Variants in AMBP observed in about 807,000 individuals in gnomAD.
AMBP encodes alpha-1-microglobulin/bikunin precursor.
AMBP carries 37 observed loss-of-function variants against 46.3 expected under a neutral mutation model. That is an observed-to-expected ratio of 0.80 (90% confidence interval 0.61 to 1.05). The LOEUF is 1.05. Among genes scored for constraint, AMBP ranks in the 50% least tolerant of loss-of-function variants. The pLI, the probability that AMBP is intolerant of heterozygous loss-of-function variation, is 0.00. For missense variants in AMBP, 475 were observed against 461.2 expected (o/e 1.03, Z -0.27); for synonymous variants, 174 against 175.9 (o/e 0.99, Z 0.09).
At position 114,074,146 on chromosome 9, in the gene AMBP, T is replaced by A. The variant is rs142267376; in HGVS notation, c.344A>T (p.Asn115Ile). 26 of 1,613,902 alleles carry A rather than the reference T, an allele frequency of 1.6e-5. No homozygotes were observed. The highest frequency in any genetic ancestry group is 1.7e-5 in the Non-Finnish European group (20 of 1,179,902). ...GKFLYHKSKW[N>I]ITMESYVVHT... The stretch of plus-strand genomic sequence containing the variant: ...GACCACATAGGACTCCATGGTTATG[T>A]TCCATTCTGCATGGGAGGTGCAGGC... The change falls in exon 4 of 10, where the codon AAC becomes ATC. Residue 115 changes from asparagine to isoleucine, a missense_variant. By Grantham distance (149) the Asn-to-Ile change is moderately radical (BLOSUM62 -3). Transcript: ENST00000265132.
chr9:114,069,644 T>A, intron 6 of AMBP, 55 bp downstream of exon 6: 1 of 1,262,460 alleles, frequency 7.9e-7, no homozygotes, highest in Non-Finnish European at 1.1e-6. Flanking sequence ...GCAGCGTGCC[T>A]GGGGCAGAGT....
chr9:114,061,611 C>A lies in AMBP; in HGVS notation c.686-20G>T. The A allele has an allele frequency of 1.3e-6, 2 of 1,575,780 alleles. No individual in the cohort carries two copies. Among genetic ancestry groups the A allele is most frequent in the Non-Finnish European group, 1.7e-6 (2 of 1,157,452 alleles). On this transcript the variant is annotated intron_variant, in intron 7 of 9. Transcript: ENST00000265132. Reference sequence around the variant, plus strand: ...AGGAATCTAGGGAGGGGCAGACCAGCAGCACTGACCAAGTGTTGACTGTGT... The same window carrying A: ...AGGAATCTAGGGAGGGGCAGACCAGAAGCACTGACCAAGTGTTGACTGTGT...
intron 6 of AMBP, among the ~76,000 whole-genome samples, chr9:114,068,145 C>T (rs536999102): frequency 3.3e-5 from 5 of 152,230 alleles, no homozygotes; most frequent in South Asian, 2.1e-4. Flanking sequence ...TTTCAAGTCA[C>T]GGAGATAATA....
rs116759206 is a variant in AMBP at position 114,075,183 on chromosome 9, A to G, written c.261-147T>C. 289 of 623,296 alleles carry G rather than the reference A, an allele frequency of 4.6e-4. 1 individual carries two copies. Among genetic ancestry groups the G allele is most frequent in the African/African-American group, 4.0e-3 (218 of 53,994 alleles). 38.6% of individuals were successfully genotyped at this position (623,296 alleles called of 1,614,324 possible). A position where few individuals can be genotyped will look rare whatever the true frequency, so the allele number is the denominator to read the frequency against. ...TTGTTTGCTTTTTAATTCGGAAATG[A>G]ACATTTCCAAATGTCTTGTTTAATC... is the stretch of plus-strand genomic sequence containing the variant. On this transcript the variant is annotated intron_variant, in intron 2 of 9. Coordinates refer to ENST00000265132, the MANE Select transcript of AMBP (RefSeq NM_001633.4).
chr9:114,060,966 GAGT>G lies in AMBP; in HGVS notation c.983_985del (p.Tyr328del). 1 of 1,614,244 alleles carries G rather than the reference GAGT, an allele frequency of 6.2e-7. No homozygotes were observed. Among genetic ancestry groups the G allele is most frequent in the East Asian group, 2.2e-5 (1 of 44,886 alleles). The stretch of plus-strand genomic sequence containing the variant: ...GCAGTACTCTCTGCACTCCTTCTCT[GAGT>G]AGAACTTGTTCCCGTTGCCCTGGCA... On this transcript the variant is annotated inframe_deletion, in exon 9 of 10. Transcript: ENST00000265132.
chr9:114,070,716 G>A (rs1368211680), intron 5 of AMBP, among the ~76,000 whole-genome samples: 5 of 152,052 alleles, frequency 3.3e-5, no homozygotes, highest in Non-Finnish European at 7.4e-5. Context: ...TCCGCTTCAG[G>A]GACCCAGCCA....
Position 114,061,448 on chromosome 9 carries a change from A to G in AMBP, c.829T>C (p.Cys277Arg). 1.2e-6 allele frequency: 2 copies of G among 1,613,844 alleles called. No homozygotes were observed. The highest frequency in any genetic ancestry group is 2.2e-5 in the East Asian group (1 of 44,854). Reference protein sequence around the residue: ...NGNNFVTEKECLQTCRTVAAC... With the variant: ...NGNNFVTEKERLQTCRTVAAC... ...CCCACAGTTCGGCAGGTCTGCAGAC[A>G]CTCCTTTTCTGTGACGAAGTTGTTA... The change falls in exon 8 of 10, where the codon TGT becomes CGT. Residue 277 changes from cysteine to arginine, a missense_variant. Physicochemically the swap from Cys to Arg is radical, Grantham distance 180. Around this residue, in one of 3 missense-constraint regions of AMBP, gnomAD observed 293 missense variants for 276.9 expected, o/e 1.06. Transcript: ENST00000265132.
rs1342443358 is a variant in AMBP, at chr9:114,061,471, T to G, written c.806A>C (p.Asn269Thr). ...ACACTCCTTTTCTGTGACGAAGTTGTTACCGTTGCCCATGCAGCCGCCGTA... is the reference window on the plus strand; with the variant it reads ...ACACTCCTTTTCTGTGACGAAGTTGGTACCGTTGCCCATGCAGCCGCCGTA... ...FQYGGCMGNGNNFVTEKECLQ... is the reference protein window; with the variant it reads ...FQYGGCMGNGTNFVTEKECLQ... The change falls in exon 8 of 10, where the codon AAC (asparagine) becomes ACC (threonine). Residue 269 changes from asparagine (N) to threonine (T), a missense_variant. Asn to Thr is a moderately conservative substitution (Grantham distance 65). This residue lies in a region of AMBP where 293 missense variants were observed against 276.9 expected (regional missense o/e 1.06). Transcript: ENST00000265132. 2 of 1,614,162 alleles carry G rather than the reference T, an allele frequency of 1.2e-6. No individual in the cohort carries two copies. The highest frequency in any genetic ancestry group is 2.7e-5 in the African/African-American group (2 of 75,062).
chr9:114,069,941 T>C, intron 5 of AMBP, 196 bp from the exon 6 acceptor site: 1 of 595,182 alleles, frequency 1.7e-6, no homozygotes, highest in Non-Finnish European at 3.0e-6. Flanking sequence ...TGCACCATCA[T>C]TACCATCTAT....
rs1332880437 is a variant in AMBP at position 114,074,997 on chromosome 9, T to C, written c.300A>G (p.Lys100=). ...VCEETSGAYE[K]TDTDGKFLYH... ...AGAGAAACTTCCCATCAGTATCTGT[T>C]TTCTCATAAGCTCCAGACGTCTCCT... Residue 100 remains lysine, a synonymous_variant, in exon 3 of 10, where the codon AAA becomes AAG. Coordinates refer to ENST00000265132, the MANE Select transcript of AMBP (RefSeq NM_001633.4). 2 of 1,614,004 alleles carry C rather than the reference T, an allele frequency of 1.2e-6. No homozygotes were observed. The highest frequency in any genetic ancestry group is 2.7e-5 in the African/African-American group (2 of 74,890).
At chr9:114,063,554 T>C (rs1356124460) in intron 6 of AMBP, among the ~76,000 whole-genome samples, 2 of 152,196 alleles carry the variant, frequency 1.3e-5, no homozygotes, top group Non-Finnish European at 2.9e-5. Context: ...ACAAGTTAAA[T>C]ACTGCAGCTG....
chr9:114,070,745 C>T (rs1048519234), intron 5 of AMBP, among the ~76,000 whole-genome samples: 1 of 152,114 alleles, frequency 6.6e-6, no homozygotes, highest in African/African-American at 2.4e-5. Context: ...GCCACCAGGC[C>T]CACCCCACTA....
In AMBP at chr9:114,060,276, G is replaced by GACAC. The variant is rs758549994; in HGVS notation, c.1028-10_1028-7dup. On this transcript the variant is annotated splice_polypyrimidine_tract_variant and splice_region_variant and intron_variant, in intron 9 of 9. Coordinates refer to ENST00000265132, the MANE Select transcript of AMBP (RefSeq NM_001633.4). ...GCGCAGCAGCTCCTCATCACCTGTG[G>GACAC]ACACAGAGAGACTCAGGGAGGGGTC... 7.4e-6 allele frequency: 12 copies of GACAC among 1,613,092 alleles called. No homozygotes were observed. The Admixed American group carries it at 1.8e-4, about 25-fold the overall frequency.
intron 6 of AMBP, among the ~76,000 whole-genome samples, chr9:114,064,353 T>C (rs1846671298): frequency 6.6e-6 from 1 of 152,146 alleles, no homozygotes; most frequent in Non-Finnish European, 1.5e-5. Context: ...AATAAATAAT[T>C]GCTAACATGG....
chr9:114,063,182 A>AG (rs750839624), intron 6 of AMBP, among the ~76,000 whole-genome samples: 164 of 148,256 alleles, frequency 1.1e-3, no homozygotes, highest in Middle Eastern at 3.5e-3. Flanking sequence ...AGCTGCTTGC[A>AG]GAAAAAAAAA....
intron 7 of AMBP, 34 bp from the exon 8 acceptor site, chr9:114,061,625 T>C: frequency 6.4e-7 from 1 of 1,559,798 alleles, no homozygotes; most frequent in Non-Finnish European, 8.7e-7. Context: ...ACTGACCAAG[T>C]GTTGACTGTG....
Position 114,062,762 on chromosome 9 carries a change from C to T in AMBP, c.604-4G>A, listed in dbSNP as rs372370283. On this transcript the variant is annotated splice_polypyrimidine_tract_variant and splice_region_variant and intron_variant, in intron 6 of 9. Transcript: ENST00000265132. Reference sequence around the variant, plus strand: ...GTAGCACAGCCCTCCGGACTCTCTGCGGGGGAGAGAAAGAGAAGAAGCAGT... The same window carrying T: ...GTAGCACAGCCCTCCGGACTCTCTGTGGGGGAGAGAAAGAGAAGAAGCAGT... 26 of 1,613,836 alleles carry T rather than the reference C, an allele frequency of 1.6e-5. No homozygotes were observed. Among genetic ancestry groups the T allele is most frequent in the African/African-American group, 4.0e-5 (3 of 74,872 alleles).
At chr9:114,075,778 G>A (rs575387419) in intron 2 of AMBP, among the ~76,000 whole-genome samples, 5 of 152,310 alleles carry the variant, frequency 3.3e-5, no homozygotes, top group East Asian at 1.9e-4. Context: ...CTGAACCTGG[G>A]TGTCTGGGAG....
Position 114,060,172 on chromosome 9 carries a change from G to A in AMBP, c.*67C>T. 6.5e-7 allele frequency: 1 copy of A among 1,538,906 alleles called. No individual in the cohort carries two copies. The highest frequency in any genetic ancestry group is 8.8e-7 in the Non-Finnish European group (1 of 1,132,222). ...GTTTTTATTTGGACCCAGGTTGCTT[G>A]GCGCTGCCTGCCACAGGACCCCGGG... is the stretch of plus-strand genomic sequence containing the variant. On this transcript the variant is annotated 3_prime_UTR_variant, in exon 10 of 10. Transcript: ENST00000265132.
Sources: allele counts gnomAD v4.1 joint callset (sites outside exome capture counted in the v4.1 genomes callset), GRCh38; gene constraint gnomAD v4.1.1; regional missense constraint gnomAD v4.1.1; transcripts MANE v1.5; gene names NCBI Gene and HGNC (gene_info 2026-07-23, HGNC 2026-07-21).